The following TRIQK variants were observed in gnomAD, a reference collection of about 807,000 sequenced individuals.
TRIQK encodes triple QxxK/R motif-containing protein.
TRIQK carries 10 observed loss-of-function variants against 10.8 expected under a neutral mutation model. That is an observed-to-expected ratio of 0.92 (90% CI 0.57 to 1.57). The LOEUF (loss-of-function observed/expected upper bound fraction) is 1.57. Among genes scored for constraint, TRIQK ranks in the 40% most tolerant of loss-of-function variants. TRIQK has a pLI of 0.00. For missense variants in TRIQK, 107 were observed against 97.7 expected (o/e 1.09, Z -0.40); for synonymous variants, 33 against 33.7 (o/e 0.98, Z 0.07).
chr8:92,971,863 G>A lies in TRIQK; in HGVS notation c.-180-17299C>T, dbSNP rs1044923608. 2.6e-5 allele frequency among the ~76,000 whole-genome samples: 4 copies of A among 152,202 alleles called. No individual in the cohort carries two copies. The East Asian group carries it at 7.7e-4, about 29-fold the overall frequency. ...AAGACAATCCTAAATAAAAAGAACA[G>A]AGCTAGAGGCATCACGGTATCCAAC... On this transcript the variant is annotated intron_variant, in intron 1 of 4. Coordinates refer to the TRIQK transcript ENST00000520686.
At chr8:92,903,352 T>A (rs1809060328) in intron 3 of TRIQK, among the ~76,000 whole-genome samples, 2 of 152,002 alleles carry the variant, frequency 1.3e-5, no homozygotes, top group South Asian at 4.1e-4. Context: ...TTTTAAATAA[T>A]TCAAGCACTT....
intron 1 of TRIQK, chr8:92,960,477 T>A (rs1315146567): frequency 6.6e-6 from 1 of 152,124 alleles, no homozygotes; most frequent in African/African-American, 2.4e-5. Context: ...AAGTCCTAAT[T>A]CCCATAACCT....
At chr8:93,000,276 C>T (rs751260256) in intron 1 of TRIQK, among the ~76,000 whole-genome samples, 10 of 152,046 alleles carry the variant, frequency 6.6e-5, no homozygotes, top group Non-Finnish European at 1.2e-4. Flanking sequence ...TGAAGAAGTA[C>T]CTGAGACTGG....
At chr8:92,974,705 C>G (rs1029358846) in intron 1 of TRIQK, 5 of 152,258 alleles carry the variant, frequency 3.3e-5, no homozygotes, top group Admixed American at 6.5e-5. Flanking sequence ...CTGAGCCCAA[C>G]CTTGATGCTG....
At chr8:92,900,272 T>A (rs1332060765) in intron 3 of TRIQK, among the ~76,000 whole-genome samples, 2 of 152,140 alleles carry the variant, frequency 1.3e-5, no homozygotes, top group African/African-American at 4.8e-5. Context: ...ACTTCTCCAT[T>A]TTTGCTTTGG....
intron 3 of TRIQK, among the ~76,000 whole-genome samples, chr8:92,897,013 C>T (rs938756715): frequency 4.0e-5 from 6 of 151,894 alleles, no homozygotes; most frequent in East Asian, 1.9e-4. Context: ...GATGGGGTTT[C>T]GCAATACTGG....
chr8:92,982,177 T>C (rs1812993388), intron 1 of TRIQK, among the ~76,000 whole-genome samples: 2 of 151,838 alleles, frequency 1.3e-5, no homozygotes, highest in African/African-American at 4.8e-5. Flanking sequence ...ATTGGACATC[T>C]TTTTGACAGT....
intron 2 of TRIQK, among the ~76,000 whole-genome samples, chr8:92,931,625 A>G (rs1269888956): frequency 6.6e-6 from 1 of 152,228 alleles, no homozygotes; most frequent in Non-Finnish European, 1.5e-5. Flanking sequence ...ACTGGCTAAG[A>G]GACATGCTTA....
intron 1 of TRIQK, among the ~76,000 whole-genome samples, chr8:92,971,793 A>C (rs907556978): frequency 6.6e-6 from 1 of 152,182 alleles, no homozygotes; most frequent in Non-Finnish European, 1.5e-5. Flanking sequence ...ATTAGAGAAA[A>C]CTACTGTAAA....
At chr8:92,971,424 G>A (rs989399614) in intron 1 of TRIQK, among the ~76,000 whole-genome samples, 2 of 152,236 alleles carry the variant, frequency 1.3e-5, no homozygotes, top group South Asian at 2.1e-4. Context: ...AGCTTCTTAA[G>A]CTGCTAAACA....
intron 3 of TRIQK, among the ~76,000 whole-genome samples, chr8:92,895,145 C>G (rs1007421342): frequency 6.6e-6 from 1 of 152,220 alleles, no homozygotes; most frequent in Admixed American, 6.5e-5. Flanking sequence ...TCCTCATTCT[C>G]TCTTGTGCAT....
At chr8:92,963,038 A>G (rs527912089) in intron 1 of TRIQK, among the ~76,000 whole-genome samples, 12 of 152,286 alleles carry the variant, frequency 7.9e-5, no homozygotes, top group African/African-American at 2.6e-4. Context: ...GGAAGGAAAG[A>G]GCTATTATTG....
intron 1 of TRIQK, among the ~76,000 whole-genome samples, chr8:93,013,032 C>T (rs72660414): frequency 0.031 from 4,684 of 152,120 alleles, 120 homozygotes; most frequent in South Asian, 0.049. Flanking sequence ...TGTCTGAGAA[C>T]CATGATGTCC....
At chr8:93,005,359 C>T (rs1483984414) in intron 1 of TRIQK, among the ~76,000 whole-genome samples, 1 of 152,132 alleles carries the variant, frequency 6.6e-6, no homozygotes, top group African/African-American at 2.4e-5. Flanking sequence ...ATCATGAGAA[C>T]AGCAAAGGAG....
intron 1 of TRIQK, among the ~76,000 whole-genome samples, chr8:93,004,417 A>T (rs559121090): frequency 3.3e-5 from 5 of 152,156 alleles, no homozygotes; most frequent in African/African-American, 7.2e-5. Context: ...CCACGAAACA[A>T]TGTTTCCCTC....
intron 1 of TRIQK, among the ~76,000 whole-genome samples, chr8:93,017,240 G>A (rs1323747080): frequency 1.3e-5 from 2 of 151,566 alleles, no homozygotes; most frequent in South Asian, 2.1e-4. Flanking sequence ...ATAAGACTGC[G>A]CATGTTTAGA....
chr8:93,009,235 A>G (rs1813304145), intron 1 of TRIQK, among the ~76,000 whole-genome samples: 1 of 152,210 alleles, frequency 6.6e-6, no homozygotes, highest in Non-Finnish European at 1.5e-5. Context: ...AAAAATGTTC[A>G]ACATTACTAA....
chr8:92,948,152 C>T (rs1475309691), intron 2 of TRIQK, among the ~76,000 whole-genome samples: 1 of 152,168 alleles, frequency 6.6e-6, no homozygotes, highest in Non-Finnish European at 1.5e-5. Flanking sequence ...ATTATGCTTA[C>T]ATTTGTCCTT....
intron 3 of TRIQK, among the ~76,000 whole-genome samples, chr8:92,906,832 G>T (rs1457041488): frequency 1.3e-5 from 2 of 151,608 alleles, no homozygotes; most frequent in Admixed American, 1.3e-4. Context: ...GGCGGAGTTT[G>T]CAGTGAGCTG....
Sources: gnomAD v4.1 joint callset for allele counts (sites outside exome capture counted in the v4.1 genomes callset) on GRCh38, gnomAD v4.1.1 for gene constraint, MANE v1.5 for transcripts, NCBI Gene and HGNC (gene_info 2026-07-23, HGNC 2026-07-21) for gene names.